Variants in UBE2E2 observed in about 807,000 individuals in gnomAD.
UBE2E2 encodes ubiquitin conjugating enzyme E2 E2, also known as ubiquitin-conjugating enzyme E2 E2.
UBE2E2 carries 6 observed loss-of-function variants against 24.7 expected under a neutral mutation model. The ratio of observed to expected loss-of-function variants is 0.24; its 90% confidence interval spans 0.13 to 0.48. The LOEUF is 0.48. Among genes scored for constraint, UBE2E2 ranks in the 20% least tolerant of loss-of-function variants. The pLI, the probability that UBE2E2 is intolerant of heterozygous loss-of-function variation, is 0.99. For missense variants in UBE2E2, 169 were observed against 245.0 expected (o/e 0.69, Z 2.07); for synonymous variants, 104 against 83.6 (o/e 1.24, Z -1.33).
At chr3:23,467,365 G>T (rs1415533122) in intron 3 of UBE2E2, among the ~76,000 whole-genome samples, 1 of 152,088 alleles carries the variant, frequency 6.6e-6, no homozygotes, top group South Asian at 2.1e-4. Context: ...TTAATCTGTT[G>T]GTTTTCATTG....
intron 3 of UBE2E2, among the ~76,000 whole-genome samples, chr3:23,353,676 C>A (rs1287826561): frequency 3.3e-5 from 5 of 151,928 alleles, no homozygotes. Context: ...ATCCAACTTA[C>A]AAGGGATGTG....
At chr3:23,216,582 A>G (rs1488952266) in intron 2 of UBE2E2, among the ~76,000 whole-genome samples, 1 of 152,174 alleles carries the variant, frequency 6.6e-6, no homozygotes, top group African/African-American at 2.4e-5. Flanking sequence ...CTTAGAAAAC[A>G]GTGGCGCACT....
At chr3:23,565,560 C>G (rs746032250) in intron 5 of UBE2E2, among the ~76,000 whole-genome samples, 30 of 141,036 alleles carry the variant, frequency 2.1e-4, no homozygotes, top group Non-Finnish European at 3.8e-4. Context: ...GCTTGTTAGA[C>G]GTAATCAAAG....
intron 3 of UBE2E2, among the ~76,000 whole-genome samples, chr3:23,296,994 T>C (rs915170168): frequency 1.2e-4 from 19 of 152,264 alleles, no homozygotes; most frequent in South Asian, 6.2e-4. Context: ...TTTTAATGAT[T>C]GCCATTCTAA....
At chr3:23,341,075 A>G (rs1213314756) in intron 3 of UBE2E2, among the ~76,000 whole-genome samples, 2 of 152,212 alleles carry the variant, frequency 1.3e-5, no homozygotes, top group African/African-American at 4.8e-5. Flanking sequence ...CAAGAAGTTT[A>G]TGCTCACAGA....
At position 23,509,990 on chromosome 3, in the gene UBE2E2, G is replaced by A. The variant is rs114508573; in HGVS notation, c.360+10250G>A. ...TCCAATCTATCATTGTTAGACATTT[G>A]GGTTGGTTCGTAGTCTTTGCTATTG... On this transcript the variant is annotated intron_variant, in intron 4 of 5. Transcript: ENST00000396703. Among the ~76,000 whole-genome samples the A allele has an allele frequency of 4.3e-3, 660 of 152,154 alleles. 5 individuals are homozygous for A. The highest frequency in any genetic ancestry group is 0.017 in the Middle Eastern group (5 of 294).
chr3:23,300,423 G>A (rs1185101377), intron 3 of UBE2E2, among the ~76,000 whole-genome samples: 1 of 152,106 alleles, frequency 6.6e-6, no homozygotes, highest in Non-Finnish European at 1.5e-5. Flanking sequence ...GGCTGGTACC[G>A]GTTGTCCCTT....
At chr3:23,297,687 T>C (rs1487051553) in intron 3 of UBE2E2, among the ~76,000 whole-genome samples, 1 of 152,128 alleles carries the variant, frequency 6.6e-6, no homozygotes, top group Non-Finnish European at 1.5e-5. Context: ...TTGGTTACTG[T>C]AGCCTTGTAG....
chr3:23,543,560 AT>A (rs56679867), intron 5 of UBE2E2, among the ~76,000 whole-genome samples: 30,568 of 149,282 alleles, frequency 0.2, 3,460 homozygotes, highest in East Asian at 0.35. Context: ...AAAAAAAAAA[AT>A]AATAATAGAT....
chr3:23,410,537 ATTAG>A (rs1348971800), intron 3 of UBE2E2, among the ~76,000 whole-genome samples: 2 of 152,170 alleles, frequency 1.3e-5, no homozygotes, highest in African/African-American at 4.8e-5. Flanking sequence ...TATTATGAGG[ATTAG>A]GGTTGAATAA....
intron 3 of UBE2E2, among the ~76,000 whole-genome samples, chr3:23,417,003 T>C (rs1283903062): frequency 1.3e-5 from 2 of 152,186 alleles, no homozygotes; most frequent in Non-Finnish European, 1.5e-5. Context: ...AACATGCTCC[T>C]TTAGCTCGGA....
chr3:23,345,533 G>C (rs895471743), intron 3 of UBE2E2, among the ~76,000 whole-genome samples: 5 of 152,036 alleles, frequency 3.3e-5, no homozygotes, highest in Admixed American at 6.5e-5. Context: ...TAAGTATTAC[G>C]TACTTAAGAA....
chr3:23,530,180 TG>T (rs1488297487), intron 4 of UBE2E2, among the ~76,000 whole-genome samples: 9 of 152,222 alleles, frequency 5.9e-5, no homozygotes, highest in African/African-American at 2.2e-4. Context: ...TGGCTTAGCA[TG>T]GGATCAGTTT....
intron 3 of UBE2E2, among the ~76,000 whole-genome samples, chr3:23,303,201 C>T (rs6774590): frequency 1.1e-4 from 16 of 151,714 alleles, no homozygotes; most frequent in African/African-American, 3.4e-4. Context: ...CTCCCGTCAC[C>T]CCCAGATGGG....
chr3:23,540,711 C>A (rs1695378573), intron 5 of UBE2E2, among the ~76,000 whole-genome samples: 1 of 151,930 alleles, frequency 6.6e-6, no homozygotes, highest in African/African-American at 2.4e-5. Context: ...CAGACTGACA[C>A]CTTTTTAAAA....
chr3:23,344,480 C>T (rs1301393826), intron 3 of UBE2E2, among the ~76,000 whole-genome samples: 6 of 151,364 alleles, frequency 4.0e-5, no homozygotes, highest in South Asian at 2.1e-4. Context: ...TCAGTTTTAA[C>T]GTGAGTATAA....
intron 5 of UBE2E2, among the ~76,000 whole-genome samples, chr3:23,573,268 A>G (rs1696266761): frequency 6.6e-6 from 1 of 152,232 alleles, no homozygotes; most frequent in Admixed American, 6.5e-5. Context: ...GAAAGTAAAT[A>G]CGCAAAGATA....
intron 3 of UBE2E2, among the ~76,000 whole-genome samples, chr3:23,496,509 T>A (rs1035893824): frequency 6.6e-6 from 1 of 152,222 alleles, no homozygotes; most frequent in African/African-American, 2.4e-5. Flanking sequence ...CCCTGTTTGC[T>A]TGTTTTTAAG....
chr3:23,225,663 T>C (rs1696799130), intron 3 of UBE2E2, among the ~76,000 whole-genome samples: 2 of 152,242 alleles, frequency 1.3e-5, no homozygotes, highest in Non-Finnish European at 2.9e-5. Flanking sequence ...GTATGTCTGT[T>C]CTTATGTCAG....
Sources: gnomAD v4.1 joint callset for allele counts (sites outside exome capture counted in the v4.1 genomes callset) on GRCh38, gnomAD v4.1.1 for gene constraint, MANE v1.5 for transcripts, NCBI Gene and HGNC (gene_info 2026-07-23, HGNC 2026-07-21) for gene names.